Variants in RBFOX1 observed in about 807,000 individuals in gnomAD.
The protein encoded by RBFOX1 is RNA binding fox-1 homolog 1.
RBFOX1 carries 8 observed loss-of-function variants against 57.7 expected under a neutral mutation model. The ratio of observed to expected loss-of-function variants is 0.14; its 90% confidence interval spans 0.08 to 0.25. The LOEUF (loss-of-function observed/expected upper bound fraction) is 0.25. RBFOX1 is among the 10% of genes least tolerant of loss of function. RBFOX1 has a pLI of 1.00. For missense variants in RBFOX1, 611 were observed against 548.5 expected (o/e 1.11, Z -1.14); for synonymous variants, 326 against 222.4 (o/e 1.47, Z -4.15).
At chr16:6,847,041 G>A (rs1034652949) in intron 3 of RBFOX1, among the ~76,000 whole-genome samples, 1 of 152,072 alleles carries the variant, frequency 6.6e-6, no homozygotes, top group African/African-American at 2.4e-5. Flanking sequence ...CTGCAAAATA[G>A]ATTCATTTCT....
chr16:7,442,959 T>C (rs2098780472), intron 4 of RBFOX1, among the ~76,000 whole-genome samples: 1 of 152,200 alleles, frequency 6.6e-6, no homozygotes, highest in Admixed American at 6.5e-5. Context: ...CAAGCCATAT[T>C]GGGGATTTAT....
chr16:5,546,352 C>T (rs1478926563), intron 2 of RBFOX1, among the ~76,000 whole-genome samples: 1 of 152,032 alleles, frequency 6.6e-6, no homozygotes, highest in African/African-American at 2.4e-5. Flanking sequence ...AATGAAAGAC[C>T]AGTAATAACC....
chr16:5,312,166 C>T (rs1386105757), intron 1 of RBFOX1, among the ~76,000 whole-genome samples: 1 of 152,056 alleles, frequency 6.6e-6, no homozygotes, highest in Non-Finnish European at 1.5e-5. Flanking sequence ...GTTTGGGACA[C>T]TCTGGTCATA....
chr16:7,247,525 C>T (rs994809681), intron 4 of RBFOX1, among the ~76,000 whole-genome samples: 2 of 152,138 alleles, frequency 1.3e-5, no homozygotes, highest in African/African-American at 4.8e-5. Flanking sequence ...TTCTGTAAGA[C>T]CCTGTGCCTG....
intron 1 of RBFOX1, among the ~76,000 whole-genome samples, chr16:6,254,983 T>G (rs747675010): frequency 6.6e-6 from 1 of 152,068 alleles, no homozygotes; most frequent in Non-Finnish European, 1.5e-5. Context: ...GTTTTGGCCT[T>G]TTTTCAGTCA....
At chr16:6,581,353 G>C (rs1441599041) in intron 2 of RBFOX1, among the ~76,000 whole-genome samples, 1 of 152,182 alleles carries the variant, frequency 6.6e-6, no homozygotes, top group Non-Finnish European at 1.5e-5. Flanking sequence ...CTCTTTGTTG[G>C]AGATGGTGGT....
Position 5,590,644 on chromosome 16 carries a change from A to G in RBFOX1, c.259-8258A>G, listed in dbSNP as rs139381086. ...AAATTCACTCCCAGATCGGGCACTG[A>G]GGAACCATATGGGTGGAGGCCATGC... On this transcript the variant is annotated intron_variant, in intron 2 of 2. Coordinates refer to the RBFOX1 transcript ENST00000585867. Among the ~76,000 whole-genome samples, 769 of 152,282 alleles carry G rather than the reference A, an allele frequency of 5.0e-3. 6 individuals carry two copies. The highest frequency in any genetic ancestry group is 0.01 in the Middle Eastern group (3 of 294).
At chr16:6,144,627 C>T (rs1163813214) in intron 1 of RBFOX1, among the ~76,000 whole-genome samples, 1 of 152,224 alleles carries the variant, frequency 6.6e-6, no homozygotes, top group Non-Finnish European at 1.5e-5. Context: ...CATGTCAAGG[C>T]TCACGCTGCA....
intron 2 of RBFOX1, among the ~76,000 whole-genome samples, chr16:6,368,119 G>A (rs1239056177): frequency 1.3e-5 from 2 of 152,142 alleles, no homozygotes; most frequent in Admixed American, 6.6e-5. Flanking sequence ...CTCTTTGTAA[G>A]CTTAAGTTTC....
At chr16:6,697,970 C>G (rs1168829675) in intron 3 of RBFOX1, among the ~76,000 whole-genome samples, 4 of 152,144 alleles carry the variant, frequency 2.6e-5, no homozygotes, top group East Asian at 1.9e-4. Flanking sequence ...GTTGATTGGT[C>G]TATGGTATGT....
intron 4 of RBFOX1, among the ~76,000 whole-genome samples, chr16:7,092,768 T>G (rs1383047902): frequency 6.6e-6 from 1 of 152,236 alleles, no homozygotes; most frequent in African/African-American, 2.4e-5. Context: ...CTTGTTAATA[T>G]TAATCACCTG....
At chr16:7,514,990 G>A (rs193168972) in intron 4 of RBFOX1, among the ~76,000 whole-genome samples, 1 of 152,168 alleles carries the variant, frequency 6.6e-6, no homozygotes, top group Admixed American at 6.5e-5. Flanking sequence ...TGGTTATTCT[G>A]TGCTTCCCTG....
chr16:7,632,642 A>AG (rs1413959052), intron 11 of RBFOX1, among the ~76,000 whole-genome samples: 7 of 152,324 alleles, frequency 4.6e-5, no homozygotes, highest in Admixed American at 3.3e-4. Flanking sequence ...TTTCTGAAAG[A>AG]GAGTTGGTGT....
intron 4 of RBFOX1, among the ~76,000 whole-genome samples, chr16:5,958,042 T>TG (rs2059680379): frequency 6.6e-6 from 1 of 152,168 alleles, no homozygotes; most frequent in Non-Finnish European, 1.5e-5. Flanking sequence ...TGATTCTAGA[T>TG]TTGATGGGCA....
At chr16:7,653,244 T>C (rs555754999) in intron 11 of RBFOX1, among the ~76,000 whole-genome samples, 30 of 152,170 alleles carry the variant, frequency 2.0e-4, no homozygotes, top group Non-Finnish European at 3.8e-4. Flanking sequence ...TCCATAACTG[T>C]AATCTCAGCA....
intron 3 of RBFOX1, among the ~76,000 whole-genome samples, chr16:7,014,723 C>A (rs1220461151): frequency 6.6e-6 from 1 of 151,578 alleles, no homozygotes; most frequent in Admixed American, 6.6e-5. Flanking sequence ...AAGCCAAGTT[C>A]TTTACCAGGT....
At chr16:6,345,394 A>G (rs986765065) in intron 2 of RBFOX1, among the ~76,000 whole-genome samples, 2 of 152,224 alleles carry the variant, frequency 1.3e-5, no homozygotes, top group African/African-American at 4.8e-5. Flanking sequence ...CAGATGATAC[A>G]GACATTTCTA....
intron 4 of RBFOX1, among the ~76,000 whole-genome samples, chr16:7,509,418 G>GTC (rs1567582475): frequency 1.3e-5 from 2 of 150,516 alleles, no homozygotes; most frequent in African/African-American, 2.5e-5. Context: ...GTGTGTGTGT[G>GTC]TGTGTGTGTG....
chr16:7,617,905 T>G (rs1478108293), intron 10 of RBFOX1, among the ~76,000 whole-genome samples: 1 of 152,038 alleles, frequency 6.6e-6, no homozygotes, highest in African/African-American at 2.4e-5. Flanking sequence ...GTTCACCTGG[T>G]AAGAAAGTGG....
Sources: allele counts gnomAD v4.1 joint callset (sites outside exome capture counted in the v4.1 genomes callset), GRCh38; gene constraint gnomAD v4.1.1; transcripts MANE v1.5; gene names NCBI Gene and HGNC (gene_info 2026-07-23, HGNC 2026-07-21).